The following PHF21B variants were observed in gnomAD, a reference collection of about 807,000 sequenced individuals.
PHF21B encodes the protein PHD finger protein 21B.
Under a neutral mutation model 62.2 loss-of-function variants are expected in PHF21B, and 22 were observed. The observed-to-expected ratio is 0.35, with a 90% confidence interval of 0.25 to 0.51. The LOEUF is 0.51. PHF21B is among the 20% of genes least tolerant of loss of function. PHF21B has a pLI of 0.97. For synonymous variants in PHF21B, 341 were observed against 314.7 expected, an observed-to-expected ratio of 1.08 and a Z score of -0.88; for missense variants, 701 against 707.9, an observed-to-expected ratio of 0.99 and a Z score of 0.11.
At chr22:44,955,704 G>C (rs972305517) in intron 2 of PHF21B, among the ~76,000 whole-genome samples, 1 of 152,180 alleles carries the variant, frequency 6.6e-6, no homozygotes, top group Non-Finnish European at 1.5e-5. Context: ...TGGACTGAAT[G>C]ACAGCACCGG....
At chr22:44,958,364 T>C (rs951891557) in intron 2 of PHF21B, among the ~76,000 whole-genome samples, 1 of 152,192 alleles carries the variant, frequency 6.6e-6, no homozygotes, top group African/African-American at 2.4e-5. Context: ...CCTTTTCCTG[T>C]TAGTTGTGCT....
At chr22:44,972,618 A>G (rs978366753) in intron 2 of PHF21B, among the ~76,000 whole-genome samples, 7 of 152,298 alleles carry the variant, frequency 4.6e-5, no homozygotes, top group African/African-American at 1.4e-4. Context: ...GAAACTCCTC[A>G]TGTACGTCGG....
intron 5 of PHF21B, among the ~76,000 whole-genome samples, chr22:44,900,825 T>C (rs1051133229): frequency 6.6e-6 from 1 of 151,996 alleles, no homozygotes; most frequent in Admixed American, 6.6e-5. Context: ...TAGGATTCTT[T>C]TGTTTCCATA....
intron 2 of PHF21B, among the ~76,000 whole-genome samples, chr22:44,990,521 GA>G (rs2073026622): frequency 1.3e-5 from 2 of 152,236 alleles, no homozygotes; most frequent in South Asian, 2.1e-4. Context: ...CAACATGCGT[GA>G]ATTACGCTGA....
chr22:44,887,472 G>C (rs1418180174), intron 10 of PHF21B, among the ~76,000 whole-genome samples: 1 of 152,108 alleles, frequency 6.6e-6, no homozygotes, highest in African/African-American at 2.4e-5. Context: ...TGAGTGCAGA[G>C]CTGGGCTATT....
chr22:45,000,070 A>T (rs1377408374), intron 2 of PHF21B, among the ~76,000 whole-genome samples: 1 of 152,160 alleles, frequency 6.6e-6, no homozygotes, highest in East Asian at 1.9e-4. Context: ...AGAGCCTCCA[A>T]GGCGGCAAAG....
intron 2 of PHF21B, among the ~76,000 whole-genome samples, chr22:44,932,628 C>T (rs937000944): frequency 1.3e-5 from 2 of 152,380 alleles, no homozygotes; most frequent in African/African-American, 2.4e-5. Flanking sequence ...CCACCTCCGA[C>T]GGCCTGGGAT....
intron 7 of PHF21B, 121 bp from the exon 8 acceptor site, chr22:44,891,481 G>A: frequency 8.5e-7 from 1 of 1,173,998 alleles, no homozygotes; most frequent in Non-Finnish European, 1.2e-6. Context: ...CCAGGCTCTG[G>A]CTGGACACCC....
At chr22:44,997,039 C>CT (rs2147519022) in intron 2 of PHF21B, among the ~76,000 whole-genome samples, 1 of 152,352 alleles carries the variant, frequency 6.6e-6, no homozygotes, top group African/African-American at 2.4e-5. Flanking sequence ...CTGTCTCCCC[C>CT]CCGAGTCTCT....
intron 2 of PHF21B, among the ~76,000 whole-genome samples, chr22:44,924,078 A>AG (rs2071587473): frequency 1.7e-5 from 1 of 58,328 alleles, no homozygotes; most frequent in African/African-American, 4.4e-5. Flanking sequence ...GAGGGGAGGG[A>AG]AGAGGGGAGG....
At chr22:44,989,994 T>G (rs2073017542) in intron 2 of PHF21B, among the ~76,000 whole-genome samples, 1 of 152,208 alleles carries the variant, frequency 6.6e-6, no homozygotes, top group South Asian at 2.1e-4. Flanking sequence ...GGCACGCTCT[T>G]CATAAAGTGC....
chr22:44,980,190 A>C (rs1285842714), intron 2 of PHF21B, among the ~76,000 whole-genome samples: 1 of 151,952 alleles, frequency 6.6e-6, no homozygotes, highest in Non-Finnish European at 1.5e-5. Flanking sequence ...AAGTTCCAGG[A>C]CATTTTCACC....
chr22:44,951,509 G>A (rs1311417791), intron 2 of PHF21B, among the ~76,000 whole-genome samples: 2 of 152,166 alleles, frequency 1.3e-5, no homozygotes, highest in African/African-American at 4.8e-5. Flanking sequence ...CCGGGAGATG[G>A]GAATCCCTGC....
At chr22:44,943,916 C>T (rs542915423) in intron 2 of PHF21B, among the ~76,000 whole-genome samples, 2 of 152,292 alleles carry the variant, frequency 1.3e-5, no homozygotes, top group South Asian at 2.1e-4. Flanking sequence ...CAGATGAAAA[C>T]CCCCAGGCCT....
chr22:45,008,434 C>CTCTGGGAGTCTGGGAGTCTGGGAG, intron 2 of PHF21B, 111 bp downstream of exon 2: 1 of 1,051,264 alleles, frequency 9.5e-7, no homozygotes, highest in Non-Finnish European at 1.3e-6. Flanking sequence ...AGACAGACCC[C>CTCTGGGAGTCTGGGAGTCTGGGAG]TCTGGGAGTC....
At chr22:44,914,509 C>T (rs2082849115) in intron 4 of PHF21B, among the ~76,000 whole-genome samples, 1 of 152,240 alleles carries the variant, frequency 6.6e-6, no homozygotes, top group South Asian at 2.1e-4. Flanking sequence ...TGAACTGAGG[C>T]CACGAGAGCT....
intron 2 of PHF21B, among the ~76,000 whole-genome samples, chr22:44,935,623 C>A (rs2071830722): frequency 3.5e-5 from 1 of 28,216 alleles, no homozygotes; most frequent in African/African-American, 1.1e-4. Context: ...CAAAAACAAA[C>A]AAACAAACAA....
At chr22:44,888,601 C>T (rs1449079534) in intron 9 of PHF21B, among the ~76,000 whole-genome samples, 6 of 152,164 alleles carry the variant, frequency 3.9e-5, no homozygotes, top group Non-Finnish European at 5.9e-5. Context: ...GGCGTAGCCC[C>T]GGCCAAGACC....
Position 45,009,027 on chromosome 22 carries a change from C to A in PHF21B, c.55-417G>T, listed in dbSNP as rs2073378138. Reference sequence around the variant, plus strand: ...CGCGTCCTAATCTCCCCAACACACACACGCGCACGCCGAGCCCCGCTCAGG... The same window carrying A: ...CGCGTCCTAATCTCCCCAACACACAAACGCGCACGCCGAGCCCCGCTCAGG... On this transcript the variant is annotated intron_variant, in intron 1 of 12. Transcript: ENST00000313237. This position sits in a 1 kb window ranked among gnomAD's most constrained non-coding sequence, Gnocchi z 5.9. 8.8e-7 allele frequency: 1 copy of A among 1,131,818 alleles called. No homozygotes were observed. Among genetic ancestry groups the A allele is most frequent in the African/African-American group, 1.6e-5 (1 of 60,886 alleles). 70.1% of individuals were successfully genotyped at this position (1,131,818 alleles called of 1,614,324 possible).
Sources: gnomAD v4.1 joint callset for allele counts (sites outside exome capture counted in the v4.1 genomes callset) on GRCh38, gnomAD v4.1.1 for gene constraint, Gnocchi (gnomAD v3.1) non-coding constraint, MANE v1.5 for transcripts, NCBI Gene and HGNC (gene_info 2026-07-23, HGNC 2026-07-21) for gene names.